Variants in ADAMTS12 observed in about 807,000 individuals in gnomAD.
ADAMTS12 encodes ADAM metallopeptidase with thrombospondin type 1 motif 12.
Under a neutral mutation model 167.8 loss-of-function variants are expected in ADAMTS12, and 118 were observed. The ratio of observed to expected loss-of-function variants is 0.70; its 90% CI spans 0.61 to 0.82. The LOEUF is 0.82. ADAMTS12 is among the 40% of genes least tolerant of loss of function. ADAMTS12 has a pLI of 0.00. For missense variants in ADAMTS12, 1,916 were observed against 1,998.8 expected (o/e 0.96, Z 0.79); for synonymous variants, 704 against 716.9 (o/e 0.98, Z 0.29).
chr5:33,852,647 A>G (rs556118171), intron 2 of ADAMTS12, among the ~76,000 whole-genome samples: 3 of 152,364 alleles, frequency 2.0e-5, no homozygotes, highest in African/African-American at 7.2e-5. Context: ...TCTGCAAGTT[A>G]GAGAAACGGT....
At chr5:33,600,375 T>C (rs1407022172) in intron 16 of ADAMTS12, among the ~76,000 whole-genome samples, 1 of 152,118 alleles carries the variant, frequency 6.6e-6, no homozygotes, top group African/African-American at 2.4e-5. Context: ...GAACAAGCAA[T>C]GTTCCTTACG....
rs143045075 is a variant in ADAMTS12 at position 33,751,465 on chromosome 5, C to T, written c.573G>A (p.Pro191=). The T allele has an allele frequency of 3.1e-6, 5 of 1,614,070 alleles. No individual in the cohort carries two copies. The highest frequency in any genetic ancestry group is 4.2e-6 in the Non-Finnish European group (5 of 1,179,988). Residue 191 remains proline (P), a synonymous_variant, in exon 3 of 24, where the codon CCG becomes CCA. Transcript: ENST00000504830. ...KHPLVEGGYH[P]HIVYRRQKVP... is the part of the protein sequence containing the mutation. ...CTTTCTGCCTCCTGTAAACGATGTG[C>T]GGGTGGTACCCTCCCTCAACCAGTG...
chr5:33,637,839 T>G, intron 11 of ADAMTS12, 93 bp from the exon 12 acceptor site: 8 of 1,324,824 alleles, frequency 6.0e-6, no homozygotes, highest in Non-Finnish European at 7.3e-6. Context: ...TGACAAATGA[T>G]GTCTCTCTAT....
chr5:33,624,236 C>T lies in ADAMTS12; in HGVS notation c.2138G>A (p.Gly713Glu). The T allele has an allele frequency of 6.2e-7, 1 of 1,614,100 alleles. No homozygotes were observed. Among genetic ancestry groups the T allele is most frequent in the Non-Finnish European group, 8.5e-7 (1 of 1,179,948 alleles). The change falls in exon 14 of 24, where the codon GGA (glycine) becomes GAA (glutamate). Residue 713 changes from glycine to glutamate, a missense_variant. By Grantham distance (98) the Gly-to-Glu change is moderately conservative (BLOSUM62 -2). Coordinates refer to ENST00000504830, the MANE Select transcript of ADAMTS12 (RefSeq NM_030955.4). ...ATTATTTATTTGTTTATTACCAGAT[C>T]CTTCCTTCTGCTTAAACATCTTTCT... ...TVRKMFKQKE[G>E]SGYVDIGLIP...
intron 16 of ADAMTS12, 24 bp from the exon 17 acceptor site, chr5:33,596,084 A>G: frequency 3.1e-6 from 5 of 1,612,836 alleles, no homozygotes; most frequent in Non-Finnish European, 4.2e-6. Flanking sequence ...AGAAAGATTC[A>G]CACATATTGA....
intron 19 of ADAMTS12, among the ~76,000 whole-genome samples, chr5:33,561,409 A>C (rs1267019232): frequency 6.6e-6 from 1 of 152,258 alleles, no homozygotes; most frequent in Non-Finnish European, 1.5e-5. Flanking sequence ...CTTATTTTAA[A>C]AAATAGTCAC....
At chr5:33,724,102 T>C (rs1381100589) in intron 3 of ADAMTS12, among the ~76,000 whole-genome samples, 1 of 152,226 alleles carries the variant, frequency 6.6e-6, no homozygotes, top group African/African-American at 2.4e-5. Flanking sequence ...TGACCAACAG[T>C]GTGATCATAG....
At chr5:33,772,578 T>C (rs1304088789) in intron 2 of ADAMTS12, among the ~76,000 whole-genome samples, 1 of 152,222 alleles carries the variant, frequency 6.6e-6, no homozygotes, top group Non-Finnish European at 1.5e-5. Flanking sequence ...TATGTGCCTG[T>C]ATGCATACAT....
chr5:33,756,416 C>T (rs1020211068), intron 2 of ADAMTS12, among the ~76,000 whole-genome samples: 12 of 152,236 alleles, frequency 7.9e-5, no homozygotes, highest in African/African-American at 2.4e-4. Context: ...GAACACTTGA[C>T]ACAGTCTTAA....
chr5:33,696,151 G>T (rs1742751635), intron 3 of ADAMTS12, among the ~76,000 whole-genome samples: 1 of 152,154 alleles, frequency 6.6e-6, no homozygotes, highest in African/African-American at 2.4e-5. Flanking sequence ...GCTGGGCGTC[G>T]TGGCTCATGC....
At chr5:33,570,629 C>A (rs1381070159) in intron 19 of ADAMTS12, among the ~76,000 whole-genome samples, 1 of 152,130 alleles carries the variant, frequency 6.6e-6, no homozygotes, top group Admixed American at 6.6e-5. Flanking sequence ...CCGGTACCAG[C>A]TTCAGCAAAA....
chr5:33,738,652 CA>C (rs1276102790), intron 3 of ADAMTS12, among the ~76,000 whole-genome samples: 1 of 152,228 alleles, frequency 6.6e-6, no homozygotes, highest in Non-Finnish European at 1.5e-5. Context: ...TTCTGCACAT[CA>C]ACATCAGTGC....
In ADAMTS12 at chr5:33,615,987, G is replaced by C. The variant is rs1738986987; in HGVS notation, c.2229C>G (p.Ile743Met). Residue 743 changes from isoleucine to methionine, a missense_variant, in exon 15 of 24, where the codon ATC becomes ATG. Ile to Met is a conservative substitution (Grantham distance 10). Coordinates refer to ENST00000504830, the MANE Select transcript of ADAMTS12 (RefSeq NM_030955.4). ...AATATTTTTCAGGATCTTCACTCCT[G>C]ATGGCCAGGAAGTTTCCAGCTCCCT... Reference protein sequence around the residue: ...EIEGAGNFLAIRSEDPEKYYL... With the variant: ...EIEGAGNFLAMRSEDPEKYYL... 1 of 1,614,144 alleles carries C rather than the reference G, an allele frequency of 6.2e-7. No homozygotes were observed. The highest frequency in any genetic ancestry group is 2.2e-5 in the East Asian group (1 of 44,886).
At chr5:33,618,756 C>T (rs951790225) in intron 14 of ADAMTS12, among the ~76,000 whole-genome samples, 11 of 152,178 alleles carry the variant, frequency 7.2e-5, no homozygotes, top group South Asian at 2.1e-4. Context: ...ATCTCTTTCA[C>T]GATTTCCTTG....
intron 3 of ADAMTS12, among the ~76,000 whole-genome samples, chr5:33,703,754 G>A (rs1482148236): frequency 6.6e-6 from 1 of 152,128 alleles, no homozygotes; most frequent in Non-Finnish European, 1.5e-5. Context: ...AAGGGTGAAT[G>A]GTAAATTAAA....
chr5:33,884,495 C>A (rs996918597), intron 1 of ADAMTS12, among the ~76,000 whole-genome samples: 3 of 152,154 alleles, frequency 2.0e-5, no homozygotes, highest in Admixed American at 6.5e-5. Context: ...TGCTAGTGCC[C>A]ATGCTCCCCA....
At chr5:33,631,486 G>A (rs1443127790) in intron 12 of ADAMTS12, among the ~76,000 whole-genome samples, 3 of 151,640 alleles carry the variant, frequency 2.0e-5, no homozygotes, top group Non-Finnish European at 4.4e-5. Context: ...TTTTTTTGTT[G>A]AAGCTGAAGC....
chr5:33,817,036 G>A (rs1217038283), intron 2 of ADAMTS12, among the ~76,000 whole-genome samples: 1 of 152,142 alleles, frequency 6.6e-6, no homozygotes, highest in Non-Finnish European at 1.5e-5. Flanking sequence ...CTCAGTCTAT[G>A]AGCTGATCAC....
chr5:33,775,315 G>T (rs1027609934), intron 2 of ADAMTS12, among the ~76,000 whole-genome samples: 2 of 152,124 alleles, frequency 1.3e-5, no homozygotes, highest in East Asian at 3.9e-4. Flanking sequence ...TAAGAGAATA[G>T]GATTTCTGAG....
Sources: allele counts gnomAD v4.1 joint callset (sites outside exome capture counted in the v4.1 genomes callset), GRCh38; gene constraint gnomAD v4.1.1; transcripts MANE v1.5; gene names NCBI Gene and HGNC (gene_info 2026-07-23, HGNC 2026-07-21).